Variants in ZNF850 observed in about 807,000 individuals in gnomAD.
ZNF850 encodes zinc finger protein 850, also known as putative zinc finger protein ENSP00000330994.
Under a neutral mutation model 11.9 loss-of-function variants are expected in ZNF850, and 2 were observed. That is an observed-to-expected ratio of 0.17 (90% confidence interval 0.07 to 0.53). The LOEUF is 0.53. Ranked by LOEUF, ZNF850 falls within the 20% of genes least tolerant of loss-of-function variation. The pLI is 0.94. For synonymous variants in ZNF850, 381 were observed against 443.0 expected (o/e 0.86, Z 1.76); for missense variants, 1,014 against 1,316.4 (o/e 0.77, Z 3.55).
At chr19:36,758,300 C>T (rs1029003330) in intron 4 of ZNF850, among the ~76,000 whole-genome samples, 18 of 152,096 alleles carry the variant, frequency 1.2e-4, no homozygotes, top group Admixed American at 3.9e-4. Context: ...ACAAAAACAA[C>T]TATTAAAAAT....
In ZNF850 at chr19:36,750,248, C is replaced by CGTGAA; in HGVS notation, c.791_792insTTCAC (p.Ala266ArgfsTer33). 1 of 1,537,708 alleles carries CGTGAA rather than the reference C, an allele frequency of 6.5e-7. No individual in the cohort carries two copies. The highest frequency in any genetic ancestry group is 8.7e-7 in the Non-Finnish European group (1 of 1,146,840). On this transcript the variant is annotated frameshift_variant, in exon 5 of 5. Coordinates refer to ENST00000591344, the MANE Select transcript of ZNF850 (RefSeq NM_001193552.2). LOFTEE classifies it low-confidence loss of function (END_TRUNC). ...TCCAATGTTGAATAAGATGTGCAGA[C>CGTGAA]GGTCTAAAGGCCTTCACGGATTCCT...
intron 4 of ZNF850, among the ~76,000 whole-genome samples, chr19:36,756,456 T>C (rs2040487000): frequency 6.6e-6 from 1 of 152,220 alleles, no homozygotes; most frequent in African/African-American, 2.4e-5. Context: ...CATTTTTTTC[T>C]TTTTATAAAA....
At position 36,755,496 on chromosome 19, in the gene ZNF850, C is replaced by A. The variant is rs148168651; in HGVS notation, c.236-4692G>T. Among the ~76,000 whole-genome samples, 1,508 of 152,224 alleles carry A rather than the reference C, an allele frequency of 9.9e-3. 30 individuals are homozygous for A. Among genetic ancestry groups the A allele is most frequent in the African/African-American group, 0.034 (1,420 of 41,544 alleles). The stretch of plus-strand genomic sequence containing the variant: ...CCCACCTCCCAAAGTGTTGGGATTA[C>A]AGGCATGAGCCACCGCACCTGGCCT... On this transcript the variant is annotated intron_variant, in intron 4 of 4. Transcript: ENST00000591344.
At position 36,748,736 on chromosome 19, in the gene ZNF850, A is replaced by G; in HGVS notation, c.2304T>C (p.Ser768=). 6.5e-7 allele frequency: 1 copy of G among 1,543,374 alleles called. No individual in the cohort carries two copies. The highest frequency in any genetic ancestry group is 8.7e-7 in the Non-Finnish European group (1 of 1,149,472). The part of the protein sequence containing the change: ...DCKECGKSFT[S]HSTLIQHQQI... ...GCTGATGTTGAATTAGTGTTGAGTG[A>G]GAAGTAAAAGATTTCCCACATTCCT... The change falls in exon 5 of 5, where the codon TCT becomes TCC. Residue 768 remains serine, a synonymous_variant. Coordinates refer to ENST00000591344, the MANE Select transcript of ZNF850 (RefSeq NM_001193552.2).
intron 4 of ZNF850, among the ~76,000 whole-genome samples, chr19:36,755,106 T>C (rs1259255768): frequency 6.6e-6 from 1 of 152,132 alleles, no homozygotes; most frequent in Non-Finnish European, 1.5e-5. Context: ...ATACTGACCA[T>C]GTAAATATTG....
Position 36,772,297 on chromosome 19 carries a change from G to T in ZNF850, c.-70+428C>A, listed in dbSNP as rs1185954399. 2.0e-5 allele frequency among the ~76,000 whole-genome samples: 3 copies of T among 152,160 alleles called. No individual in the cohort carries two copies. In the East Asian group the frequency reaches 5.8e-4, roughly 29 times the overall value. On this transcript the variant is annotated intron_variant, in intron 1 of 4. Transcript: ENST00000591344. ...CCTAAAGAGTTTTTTCTCTCAAGGG[G>T]ACACACAAAGTCCCAATCGCACACA...
chr19:36,766,995 G>T (rs968631920), intron 1 of ZNF850, among the ~76,000 whole-genome samples: 4 of 152,164 alleles, frequency 2.6e-5, no homozygotes, highest in Admixed American at 2.0e-4. Context: ...CCAGCACTTT[G>T]GGAGGCCAAG....
Position 36,749,782 on chromosome 19 carries a change from G to A in ZNF850, c.1258C>T (p.Pro420Ser), listed in dbSNP as rs1192119058. 1 of 1,557,550 alleles carries A rather than the reference G, an allele frequency of 6.4e-7. No individual in the cohort carries two copies. The highest frequency in any genetic ancestry group is 1.2e-5 in the South Asian group (1 of 85,128). The change falls in exon 5 of 5, where the codon CCC becomes TCC. Residue 420 changes from proline to serine, a missense_variant. Coordinates refer to ENST00000591344, the MANE Select transcript of ZNF850 (RefSeq NM_001193552.2). ...GHQAIHTGEKPYDCKECGKSF... is the reference protein window; with the variant it reads ...GHQAIHTGEKSYDCKECGKSF... ...TTTCCACATTCTTTACAATCATAGG[G>A]TTTCTCACCAGTGTGAATTGCCTGG...
intron 1 of ZNF850, among the ~76,000 whole-genome samples, 151 bp downstream of exon 1, chr19:36,772,574 A>G (rs941714835): frequency 7.9e-5 from 12 of 152,172 alleles, no homozygotes; most frequent in African/African-American, 2.9e-4. Flanking sequence ...CCGGGCGCGC[A>G]CAGTCACAAG....
intron 4 of ZNF850, among the ~76,000 whole-genome samples, chr19:36,751,065 T>TA (rs34721047): frequency 0.023 from 2,047 of 89,312 alleles, 37 homozygotes; most frequent in African/African-American, 0.053. Context: ...GACCCTGTCT[T>TA]AAAAAAAAAA....
At chr19:36,770,145 A>G (rs1473712092) in intron 1 of ZNF850, among the ~76,000 whole-genome samples, 1 of 152,204 alleles carries the variant, frequency 6.6e-6, no homozygotes, top group Admixed American at 6.5e-5. Flanking sequence ...TGCCCTCCCT[A>G]GGCACGACCC....
In ZNF850 at chr19:36,749,356, C is replaced by A. The variant is rs1377991075; in HGVS notation, c.1684G>T (p.Asp562Tyr). ...AAAGATTTTCCACATTCTTTACAAT[C>A]ATAGGGTTTCTCACCAGTGTGAACT... Reference protein sequence around the residue: ...QAVHTGEKPYDCKECGKSFTS... With the variant: ...QAVHTGEKPYYCKECGKSFTS... Residue 562 changes from aspartate to tyrosine, a missense_variant, in exon 5 of 5, where the codon GAT becomes TAT. By Grantham distance (160) the Asp-to-Tyr change is radical. Coordinates refer to ENST00000591344, the MANE Select transcript of ZNF850 (RefSeq NM_001193552.2). The A allele has an allele frequency of 6.5e-7, 1 of 1,548,322 alleles. No individual in the cohort carries two copies. The highest frequency in any genetic ancestry group is 1.4e-5 in the African/African-American group (1 of 72,512).
chr19:36,765,650 T>C (rs1340111920), intron 1 of ZNF850, among the ~76,000 whole-genome samples: 1 of 149,410 alleles, frequency 6.7e-6, no homozygotes, highest in East Asian at 2.0e-4. Flanking sequence ...AGTGGTGCGA[T>C]CTCGGCTCAC....
intron 1 of ZNF850, among the ~76,000 whole-genome samples, chr19:36,765,038 C>T (rs1194872982): frequency 1.3e-5 from 2 of 152,098 alleles, no homozygotes; most frequent in East Asian, 3.9e-4. Flanking sequence ...AGGAAAAAAA[C>T]AAGTCAGAAC....
intron 1 of ZNF850, among the ~76,000 whole-genome samples, chr19:36,765,830 C>T (rs540052458): frequency 1.3e-5 from 2 of 152,012 alleles, no homozygotes; most frequent in South Asian, 2.1e-4. Context: ...GTGATCGGCC[C>T]TCCTCGGCCT....
In ZNF850 at chr19:36,754,985, C is replaced by T. The variant is rs538704911; in HGVS notation, c.236-4181G>A. Among the ~76,000 whole-genome samples, 18 of 152,192 alleles carry T rather than the reference C, an allele frequency of 1.2e-4. No homozygotes were observed. In the South Asian group the frequency reaches 2.9e-3, roughly 25 times the overall value. On this transcript the variant is annotated intron_variant, in intron 4 of 4. Transcript: ENST00000591344. ...ATGTTGAACATGTGAGAATTCTACACGCAGCAATTAAAAGAAAGCACAGGA... is the reference window on the plus strand; with the variant it reads ...ATGTTGAACATGTGAGAATTCTACATGCAGCAATTAAAAGAAAGCACAGGA...
At position 36,745,520 on chromosome 19, in the gene ZNF850, A is replaced by G. The variant is rs1269177533; in HGVS notation, c.*2247T>C. ...GGAGAAACCCCGTCTCTACTAAATA[A>G]TACAAAAATTAGTCGGGCATGGTGG... On this transcript the variant is annotated 3_prime_UTR_variant, in exon 5 of 5. Coordinates refer to ENST00000591344, the MANE Select transcript of ZNF850 (RefSeq NM_001193552.2). 6.6e-6 allele frequency: 1 copy of G among 152,062 alleles called. No homozygotes were observed. The highest frequency in any genetic ancestry group is 1.5e-5 in the Non-Finnish European group (1 of 68,022). 9.4% of individuals were successfully genotyped at this position (152,062 alleles called of 1,614,324 possible). A position where few individuals can be genotyped will look rare whatever the true frequency, so the allele number is the denominator to read the frequency against.
At chr19:36,769,773 A>G (rs991587368) in intron 1 of ZNF850, among the ~76,000 whole-genome samples, 1 of 152,144 alleles carries the variant, frequency 6.6e-6, no homozygotes, top group African/African-American at 2.4e-5. Flanking sequence ...AAATCCAAGG[A>G]GATTTCTCCC....
At position 36,748,263 on chromosome 19, in the gene ZNF850, C is replaced by G; in HGVS notation, c.2777G>C (p.Arg926Pro). The G allele has an allele frequency of 6.4e-7, 1 of 1,554,032 alleles. No homozygotes were observed. The highest frequency in any genetic ancestry group is 8.7e-7 in the Non-Finnish European group (1 of 1,154,022). ...AAAGGCTTTTCCACATTCATGACAT[C>G]GATAAGGTTTCTCACCAGTATGGAT... The part of the protein sequence containing the change: ...QRIHTGEKPY[R>P]CHECGKAFVR... Residue 926 changes from arginine (R) to proline (P), a missense_variant, in exon 5 of 5, where the codon CGA becomes CCA. Around this residue, in one of 2 missense-constraint regions of ZNF850, gnomAD observed 179 missense variants for 294.4 expected, o/e 0.61. Transcript: ENST00000591344.
Sources: gnomAD v4.1 joint callset for allele counts (sites outside exome capture counted in the v4.1 genomes callset) on GRCh38, gnomAD v4.1.1 for gene constraint, gnomAD v4.1.1 regional missense constraint, MANE v1.5 for transcripts, NCBI Gene and HGNC (gene_info 2026-07-23, HGNC 2026-07-21) for gene names.